Variants in RASIP1 observed in about 807,000 individuals in gnomAD.
The protein encoded by RASIP1 is Ras interacting protein 1, also known as ras-interacting protein 1.
RASIP1 carries 20 observed loss-of-function variants against 85.3 expected under a neutral mutation model. The ratio of observed to expected loss-of-function variants is 0.23; its 90% CI spans 0.17 to 0.34. RASIP1 has a LOEUF of 0.34. Among genes scored for constraint, RASIP1 ranks in the 10% least tolerant of loss-of-function variants. RASIP1 has a pLI of 1.00. For synonymous variants in RASIP1, 617 were observed against 647.1 expected (o/e 0.95, Z 0.71); for missense variants, 1,170 against 1,390.9 (o/e 0.84, Z 2.53).
chr19:48,730,400 G>C lies in RASIP1; in HGVS notation c.1180-810C>G, dbSNP rs572196491. Among the ~76,000 whole-genome samples the C allele has an allele frequency of 2.6e-5, 4 of 152,136 alleles. No homozygotes were observed. In the South Asian group the frequency reaches 6.2e-4, roughly 24 times the overall value. ...GATGGTCTCGATCTCTTGACCTTGT[G>C]ATCCGCCTGCCTTGGCCTCCTAAAG... is the stretch of plus-strand genomic sequence containing the variant. On this transcript the variant is annotated intron_variant, in intron 4 of 11. Transcript: ENST00000222145.
At chr19:48,728,631 G>A (rs2033385253) in intron 5 of RASIP1, among the ~76,000 whole-genome samples, 1 of 152,150 alleles carries the variant, frequency 6.6e-6, no homozygotes, top group South Asian at 2.1e-4. Context: ...GGGCGTGCTG[G>A]CAGGCGCCTG....
chr19:48,738,902 C>A lies in RASIP1; in HGVS notation c.823+58G>T, dbSNP rs2033619842. On this transcript the variant is annotated intron_variant, in intron 3 of 11. Transcript: ENST00000222145. This position sits in a 1 kb window ranked among gnomAD's most constrained non-coding sequence, Gnocchi z 4.0. Reference sequence around the variant, plus strand: ...CACAAGCCCCGCCCAGGCCCCGCCCCACGGACCCCGCCTCTCTGGCACCGA... The same window carrying A: ...CACAAGCCCCGCCCAGGCCCCGCCCAACGGACCCCGCCTCTCTGGCACCGA... 1 of 1,181,996 alleles carries A rather than the reference C, an allele frequency of 8.5e-7. No individual in the cohort carries two copies. The highest frequency in any genetic ancestry group is 1.0e-6 in the Non-Finnish European group (1 of 952,438). 73.2% of individuals were successfully genotyped at this position (1,181,996 alleles called of 1,614,324 possible).
intron 4 of RASIP1, 119 bp from the exon 5 acceptor site, chr19:48,729,709 C>CA: frequency 2.6e-6 from 1 of 377,820 alleles, no homozygotes; most frequent in Non-Finnish European, 4.4e-6. Flanking sequence ...CCTTCTTCTT[C>CA]TTTTTTTTTT....
Position 48,740,577 on chromosome 19 carries a change from C to T in RASIP1, c.-61G>A. 7.2e-7 allele frequency: 1 copy of T among 1,390,122 alleles called. No individual in the cohort carries two copies. Among genetic ancestry groups the T allele is most frequent in the Non-Finnish European group, 9.3e-7 (1 of 1,075,952 alleles). 86.1% of individuals were successfully genotyped at this position (1,390,122 alleles called of 1,614,324 possible). A position where few individuals can be genotyped will look rare whatever the true frequency, so the allele number is the denominator to read the frequency against. On this transcript the variant is annotated 5_prime_UTR_variant, in exon 1 of 12. Coordinates refer to ENST00000222145, the MANE Select transcript of RASIP1 (RefSeq NM_017805.3). This position sits in a 1 kb window ranked among gnomAD's most constrained non-coding sequence, Gnocchi z 5.5. Reference sequence around the variant, plus strand: ...TGGCTCCACTGGCCTGGGTCAGTTCCACTGCTCTTGCCTCTGCCACGGCTC... The same window carrying T: ...TGGCTCCACTGGCCTGGGTCAGTTCTACTGCTCTTGCCTCTGCCACGGCTC...
intron 11 of RASIP1, 34 bp from the exon 12 acceptor site, chr19:48,721,031 A>G (rs2033223592): frequency 2.0e-6 from 3 of 1,529,424 alleles, no homozygotes; most frequent in African/African-American, 1.4e-5. Flanking sequence ...TTAGAGTCTG[A>G]AAGTGGGAGT....
At chr19:48,722,147 C>T (rs2033259491) in intron 10 of RASIP1, 146 bp from the exon 11 acceptor site, 6 of 767,064 alleles carry the variant, frequency 7.8e-6, no homozygotes, top group Non-Finnish European at 7.4e-6. Context: ...GTCTGTTTAT[C>T]ACCAAAGTGA....
intron 4 of RASIP1, among the ~76,000 whole-genome samples, chr19:48,732,069 TTTTTTTTC>T (rs2033468555): frequency 6.6e-6 from 1 of 151,570 alleles, no homozygotes; most frequent in Non-Finnish European, 1.5e-5. Context: ...AATCTCTTTT[TTTTTTTTC>T]TTTTTTGAGA....
At chr19:48,722,091 G>C in intron 10 of RASIP1, 90 bp from the exon 11 acceptor site, 1 of 1,261,338 alleles carries the variant, frequency 7.9e-7, no homozygotes, top group African/African-American at 1.6e-5. Context: ...AGTGGGTGTG[G>C]TGGGAAGATA....
Position 48,728,988 on chromosome 19 carries a change from G to A in RASIP1, c.1782C>T (p.His594=). 6.9e-7 allele frequency: 1 copy of A among 1,455,868 alleles called. No homozygotes were observed. Among genetic ancestry groups the A allele is most frequent in the African/African-American group, 1.5e-5 (1 of 67,242 alleles). The allele number at this position is 1,455,868 out of a possible 1,614,324, so 90.2% of individuals were successfully genotyped here. The change falls in exon 5 of 12, where the codon CAC becomes CAT. Residue 594 remains histidine (H), a synonymous_variant. Transcript: ENST00000222145. Reference sequence around the variant, plus strand: ...CCAGGCGGCCCAGCAGTCGTGGCAGGTGGCCCAGCTCCAGCTCACGGGCGG... The same window carrying A: ...CCAGGCGGCCCAGCAGTCGTGGCAGATGGCCCAGCTCCAGCTCACGGGCGG... ...QHSARELELG[H]LPRLLGRLAR...
intron 4 of RASIP1, among the ~76,000 whole-genome samples, 187 bp from the exon 5 acceptor site, chr19:48,729,777 C>T (rs1486023487): frequency 7.3e-6 from 1 of 136,594 alleles, no homozygotes; most frequent in African/African-American, 2.8e-5. Flanking sequence ...TCCAGTGGCA[C>T]GATCTCGGCT....
chr19:48,726,904 G>C lies in RASIP1; in HGVS notation c.2024-16C>G. Reference sequence around the variant, plus strand: ...AGCTGTGGGTCTGAGGACAGGCTTGGGGTTAAGAGGGAGAACCAGAAGTCG... The same window carrying C: ...AGCTGTGGGTCTGAGGACAGGCTTGCGGTTAAGAGGGAGAACCAGAAGTCG... On this transcript the variant is annotated splice_polypyrimidine_tract_variant and intron_variant, in intron 7 of 11. Coordinates refer to ENST00000222145, the MANE Select transcript of RASIP1 (RefSeq NM_017805.3). 1 of 1,611,516 alleles carries C rather than the reference G, an allele frequency of 6.2e-7. No homozygotes were observed. Among genetic ancestry groups the C allele is most frequent in the Non-Finnish European group, 8.5e-7 (1 of 1,178,354 alleles).
chr19:48,725,976 G>C (rs2033335359), intron 8 of RASIP1, among the ~76,000 whole-genome samples: 1 of 152,110 alleles, frequency 6.6e-6, no homozygotes, highest in African/African-American at 2.4e-5. Flanking sequence ...TGTCGCCCTG[G>C]AGTGCAATGG....
chr19:48,727,088 G>T lies in RASIP1; in HGVS notation c.1942C>A (p.Leu648Met), dbSNP rs1200814495. The T allele has an allele frequency of 6.2e-7, 1 of 1,614,224 alleles. No homozygotes were observed. Among genetic ancestry groups the T allele is most frequent in the South Asian group, 1.1e-5 (1 of 91,084 alleles). ...AVSVELRPLM[L>M]WMANTTELLS... ...AGCTCCGTGGTGTTGGCCATCCACA[G>T]CATGAGTGGCCGCAGCTCCACAGAC... Residue 648 changes from leucine (L) to methionine (M), a missense_variant, in exon 7 of 12, where the codon CTG becomes ATG. Leu to Met is a conservative substitution (Grantham distance 15). Around this residue, in one of 4 missense-constraint regions of RASIP1, gnomAD observed 426 missense variants for 576.2 expected, o/e 0.74. Transcript: ENST00000222145.
rs1270200495 is a variant in RASIP1, at chr19:48,738,725, C to G, written c.823+235G>C. 5.0e-6 allele frequency: 2 copies of G among 403,772 alleles called. No individual in the cohort carries two copies. Among genetic ancestry groups the G allele is most frequent in the Admixed American group, 9.9e-5 (2 of 20,140 alleles). The allele number at this position is 403,772 out of a possible 1,614,324, so 25.0% of individuals were successfully genotyped here. On this transcript the variant is annotated intron_variant, in intron 3 of 11. Transcript: ENST00000222145. This position sits in a 1 kb window ranked among gnomAD's most constrained non-coding sequence, Gnocchi z 4.0. Reference sequence around the variant, plus strand: ...CCCCAAGCTTGGCCCCTGTAAAACTCCTGCTCAATCAACAAGCCCCACCCA... The same window carrying G: ...CCCCAAGCTTGGCCCCTGTAAAACTGCTGCTCAATCAACAAGCCCCACCCA...
chr19:48,721,930 G>A lies in RASIP1; in HGVS notation c.2616C>T (p.His872=). ...TPAQLHHLLS[H]YQLGPGRGPP... is the part of the protein sequence containing the mutation. Reference sequence around the variant, plus strand: ...GCCCGCGGCCAGGGCCCAGCTGATAGTGGCTGAGCAGATGGTGCAGCTGGG... The same window carrying A: ...GCCCGCGGCCAGGGCCCAGCTGATAATGGCTGAGCAGATGGTGCAGCTGGG... The change falls in exon 11 of 12, where the codon CAC becomes CAT. Residue 872 remains histidine, a synonymous_variant. Coordinates refer to ENST00000222145, the MANE Select transcript of RASIP1 (RefSeq NM_017805.3). 6.3e-7 allele frequency: 1 copy of A among 1,589,530 alleles called. No homozygotes were observed. Among genetic ancestry groups the A allele is most frequent in the Non-Finnish European group, 8.6e-7 (1 of 1,168,180 alleles).
rs1298679979 is a variant in RASIP1, at chr19:48,739,313, G to A, written c.470C>T (p.Ser157Leu). Residue 157 changes from serine to leucine, a missense_variant, in exon 3 of 12, where the codon TCG (serine) becomes TTG (leucine). Ser to Leu is a moderately radical substitution (Grantham distance 145). This residue lies in a region of RASIP1 where 299 missense variants were observed against 394.4 expected (regional missense o/e 0.76). Coordinates refer to ENST00000222145, the MANE Select transcript of RASIP1 (RefSeq NM_017805.3). This position sits in a 1 kb window ranked among gnomAD's most constrained non-coding sequence, Gnocchi z 9.2. ...VLKIFGAGLA[S>L]GANYKSVLAT... ...CAGCACGCTCTTGTAGTTGGCGCCC[G>A]ATGCCAGTCCGGCGCCGAAGATCTT... 1 of 1,394,304 alleles carries A rather than the reference G, an allele frequency of 7.2e-7. No individual in the cohort carries two copies. Among genetic ancestry groups the A allele is most frequent in the Non-Finnish European group, 9.3e-7 (1 of 1,078,992 alleles). 86.4% of individuals were successfully genotyped at this position (1,394,304 alleles called of 1,614,324 possible).
intron 6 of RASIP1, 40 bp downstream of exon 6, chr19:48,727,353 C>T (rs2033359957): frequency 1.9e-6 from 3 of 1,607,320 alleles, no homozygotes; most frequent in South Asian, 1.1e-5. Context: ...AACCCAACCC[C>T]TGCATCCCTC....
rs2033612847 is a variant in RASIP1, at chr19:48,738,681, AGCCCCCGTCCC to A, written c.823+268_823+278del. On this transcript the variant is annotated intron_variant, in intron 3 of 11. Coordinates refer to ENST00000222145, the MANE Select transcript of RASIP1 (RefSeq NM_017805.3). The surrounding 1 kb of genome is among the most constrained non-coding windows in gnomAD (Gnocchi z 4.0). Reference sequence around the variant, plus strand: ...CCACTCCAAGCCACCACCAGCAACCAGCCCCCGTCCCGCCTAAGCCCCAAGCTTGGCCCCTG... The same window carrying A: ...CCACTCCAAGCCACCACCAGCAACCAGCCTAAGCCCCAAGCTTGGCCCCTG... The A allele has an allele frequency of 6.9e-6, 2 of 288,042 alleles. No homozygotes were observed. Among genetic ancestry groups the A allele is most frequent in the Non-Finnish European group, 6.2e-6 (1 of 160,942 alleles). The allele number at this position is 288,042 out of a possible 1,614,324, so 17.8% of individuals were successfully genotyped here.
chr19:48,721,974 G>A lies in RASIP1; in HGVS notation c.2572C>T (p.His858Tyr), dbSNP rs202163693. 163 of 1,518,472 alleles carry A rather than the reference G, an allele frequency of 1.1e-4. No individual in the cohort carries two copies. Among genetic ancestry groups the A allele is most frequent in the Non-Finnish European group, 9.8e-6 (11 of 1,124,144 alleles). 94.1% of individuals were successfully genotyped at this position (1,518,472 alleles called of 1,614,324 possible). A position where few individuals can be genotyped will look rare whatever the true frequency, so the allele number is the denominator to read the frequency against. ...AGCTGGGCGGGGGTCAAGGTGGGGTGGTCGGTTCTTAGGCTGCTCCATGAA... is the reference window on the plus strand; with the variant it reads ...AGCTGGGCGGGGGTCAAGGTGGGGTAGTCGGTTCTTAGGCTGCTCCATGAA... ...KASWSSLRTD[H>Y]PTLTPAQLHH... Residue 858 changes from histidine (H) to tyrosine (Y), a missense_variant, in exon 11 of 12, where the codon CAC becomes TAC. His to Tyr is a moderately conservative substitution (Grantham distance 83, BLOSUM62 2). This residue lies in a region of RASIP1 where 426 missense variants were observed against 576.2 expected (regional missense o/e 0.74). Coordinates refer to ENST00000222145, the MANE Select transcript of RASIP1 (RefSeq NM_017805.3).
Sources: allele counts gnomAD v4.1 joint callset (sites outside exome capture counted in the v4.1 genomes callset), GRCh38; gene constraint gnomAD v4.1.1; regional missense constraint gnomAD v4.1.1; non-coding constraint Gnocchi (gnomAD v3.1); transcripts MANE v1.5; gene names NCBI Gene and HGNC (gene_info 2026-07-23, HGNC 2026-07-21).